ERC2: variants seen among roughly 807,000 people sequenced by gnomAD.
ERC2 encodes the protein ELKS/RAB6-interacting/CAST family member 2.
In ERC2, 42 loss-of-function variants were observed where a neutral mutation model predicts 114.8. The observed-to-expected ratio is 0.37, with a 90% CI of 0.29 to 0.47. ERC2 has a LOEUF of 0.47. Among genes scored for constraint, ERC2 ranks in the 20% least tolerant of loss-of-function variants. The pLI is 0.99. For synonymous variants in ERC2, 454 were observed against 425.5 expected (o/e 1.07, Z -0.82); for missense variants, 939 against 1,150.7 (o/e 0.82, Z 2.66).
intron 14 of ERC2, among the ~76,000 whole-genome samples, chr3:55,757,553 G>C (rs990040455): frequency 6.6e-6 from 1 of 152,092 alleles, no homozygotes; most frequent in South Asian, 2.1e-4. Context: ...TAATAACACA[G>C]TGCCTTACTT....
chr3:56,273,559 T>A (rs1337265123), intron 3 of ERC2, among the ~76,000 whole-genome samples: 1 of 152,102 alleles, frequency 6.6e-6, no homozygotes, highest in African/African-American at 2.4e-5. Context: ...ACACCCCTTT[T>A]ACGGAGGATT....
At chr3:55,923,709 G>C (rs1469314848) in intron 13 of ERC2, among the ~76,000 whole-genome samples, 1 of 152,082 alleles carries the variant, frequency 6.6e-6, no homozygotes, top group African/African-American at 2.4e-5. Flanking sequence ...TCTAGATTGT[G>C]GTAGACAGAA....
intron 2 of ERC2, among the ~76,000 whole-genome samples, chr3:56,356,570 A>T (rs1337094745): frequency 6.6e-6 from 1 of 152,104 alleles, no homozygotes; most frequent in Non-Finnish European, 1.5e-5. Context: ...GATTCATTCC[A>T]CCTACACTGG....
chr3:56,443,373 C>T (rs1323582250), intron 1 of ERC2, among the ~76,000 whole-genome samples: 1 of 152,212 alleles, frequency 6.6e-6, no homozygotes, highest in Non-Finnish European at 1.5e-5. Context: ...CGTAGGCTCA[C>T]CACTATTTGG....
intron 2 of ERC2, among the ~76,000 whole-genome samples, chr3:56,307,385 A>ATTT (rs2056291428): frequency 6.6e-6 from 1 of 152,112 alleles, no homozygotes. Context: ...GGAGGAAAGT[A>ATTT]TGGGTTTTGA....
intron 14 of ERC2, among the ~76,000 whole-genome samples, chr3:55,776,888 G>A (rs1028799366): frequency 2.0e-5 from 3 of 152,126 alleles, no homozygotes; most frequent in Non-Finnish European, 4.4e-5. Context: ...ATTAGTATTC[G>A]TTGTAGTTTT....
chr3:55,815,990 C>A (rs1428410053), intron 14 of ERC2, among the ~76,000 whole-genome samples: 1 of 152,206 alleles, frequency 6.6e-6, no homozygotes, highest in African/African-American at 2.4e-5. Context: ...TCTGCTCCAC[C>A]AGTTCTCACC....
chr3:55,833,949 G>A (rs959562114), intron 14 of ERC2, among the ~76,000 whole-genome samples: 1 of 151,518 alleles, frequency 6.6e-6, no homozygotes, highest in Non-Finnish European at 1.5e-5. Flanking sequence ...AAAAAGGCAG[G>A]GGTTGCAATC....
At chr3:55,929,056 G>A (rs1311011307) in intron 13 of ERC2, among the ~76,000 whole-genome samples, 11 of 152,062 alleles carry the variant, frequency 7.2e-5, no homozygotes, top group African/African-American at 2.7e-4. Context: ...TCTTTGGTGG[G>A]GAGTACTCCC....
intron 13 of ERC2, among the ~76,000 whole-genome samples, chr3:55,948,762 A>C (rs1466074231): frequency 6.6e-6 from 1 of 152,226 alleles, no homozygotes; most frequent in African/African-American, 2.4e-5. Context: ...GAAAAGAAGA[A>C]ATTACTATAT....
intron 6 of ERC2, among the ~76,000 whole-genome samples, chr3:56,122,284 A>C (rs2079621239): frequency 6.6e-6 from 1 of 152,194 alleles, no homozygotes; most frequent in African/African-American, 2.4e-5. Flanking sequence ...TATGTTGGGA[A>C]GATCCCAACA....
chr3:56,397,073 CT>C (rs2060336555), intron 2 of ERC2, among the ~76,000 whole-genome samples: 1 of 152,158 alleles, frequency 6.6e-6, no homozygotes, highest in African/African-American at 2.4e-5. Flanking sequence ...AGGACAATGT[CT>C]GTACACAATG....
chr3:56,341,030 G>T (rs182699549), intron 2 of ERC2, among the ~76,000 whole-genome samples: 5 of 152,318 alleles, frequency 3.3e-5, no homozygotes, highest in Non-Finnish European at 1.5e-5. Flanking sequence ...GTACCCAGAA[G>T]TTGATCCTTC....
At chr3:56,103,466 C>G (rs1447189070) in intron 6 of ERC2, among the ~76,000 whole-genome samples, 1 of 152,136 alleles carries the variant, frequency 6.6e-6, no homozygotes, top group Admixed American at 6.5e-5. Context: ...GGATGAATTC[C>G]CACTTGCTGA....
chr3:55,670,953 C>G (rs1264941430), intron 17 of ERC2, among the ~76,000 whole-genome samples: 1 of 152,152 alleles, frequency 6.6e-6, no homozygotes, highest in Non-Finnish European at 1.5e-5. Context: ...TGGTCTCTGG[C>G]TGCTTTTGCA....
intron 6 of ERC2, among the ~76,000 whole-genome samples, chr3:56,094,414 G>C (rs1386222150): frequency 6.6e-6 from 1 of 152,152 alleles, no homozygotes; most frequent in Non-Finnish European, 1.5e-5. Flanking sequence ...GTGTAGTAGA[G>C]CTATGGCTTA....
At chr3:55,915,691 T>C (rs888750235) in intron 13 of ERC2, among the ~76,000 whole-genome samples, 14 of 152,108 alleles carry the variant, frequency 9.2e-5, no homozygotes, top group Admixed American at 2.6e-4. Flanking sequence ...GGAAGCAAGA[T>C]AACCACCCTC....
chr3:55,678,174 T>C (rs1388116576), intron 17 of ERC2, among the ~76,000 whole-genome samples: 1 of 152,096 alleles, frequency 6.6e-6, no homozygotes, highest in East Asian at 1.9e-4. Context: ...GAATCGATTT[T>C]GCAATTGGAA....
chr3:55,696,745 A>G lies in ERC2; in HGVS notation c.2847+2633T>C, dbSNP rs543564072. The stretch of plus-strand genomic sequence containing the variant: ...GGTTACCAAATCTCAAATCTCCAGT[A>G]TAGGACAAGGTATCATTCCACTAGA... On this transcript the variant is annotated intron_variant, in intron 16 of 17. Coordinates refer to ENST00000288221, the MANE Select transcript of ERC2 (RefSeq NM_015576.3). Among the ~76,000 whole-genome samples, 16 of 152,318 alleles carry G rather than the reference A, an allele frequency of 1.1e-4. No individual in the cohort carries two copies. The East Asian group carries it at 3.1e-3, about 29-fold the overall frequency.
Sources: gnomAD v4.1 joint callset for allele counts (sites outside exome capture counted in the v4.1 genomes callset) on GRCh38, gnomAD v4.1.1 for gene constraint, MANE v1.5 for transcripts, NCBI Gene and HGNC (gene_info 2026-07-23, HGNC 2026-07-21) for gene names.